The following NFATC1 variants were observed in gnomAD, a reference collection of about 807,000 sequenced individuals.
The protein encoded by NFATC1 is nuclear factor of activated T-cells, cytoplasmic 1.
A neutral mutation model predicts 76.0 loss-of-function variants in NFATC1; 22 were observed. The ratio of observed to expected loss-of-function variants is 0.29; its 90% CI spans 0.21 to 0.41. The LOEUF (loss-of-function observed/expected upper bound fraction) is 0.41, where lower values mean the gene tolerates loss of function less well. NFATC1 is among the 10% of genes least tolerant of loss of function. The probability of loss-of-function intolerance (pLI) is 1.00; values close to 1 mark genes in which losing one functional copy is unlikely to be tolerated. For missense variants in NFATC1, 1,357 were observed against 1,337.7 expected, an observed-to-expected ratio of 1.01 and a Z score of -0.23; for synonymous variants, 704 against 613.1, an observed-to-expected ratio of 1.15 and a Z score of -2.19.
At chr18:79,403,630 T>G (rs756119548) in intron 1 of NFATC1, among the ~76,000 whole-genome samples, 1 of 152,280 alleles carries the variant, frequency 6.6e-6, no homozygotes, top group Non-Finnish European at 1.5e-5. Flanking sequence ...GTGTTTGGGC[T>G]GGAGCCTCTC....
intron 2 of NFATC1, chr18:79,422,779 C>G (rs1359800176): frequency 6.6e-6 from 1 of 152,228 alleles, no homozygotes; most frequent in Non-Finnish European, 1.5e-5. Context: ...TGTTTCAGAG[C>G]CATGGAAGGT....
chr18:79,528,932 G>C lies in NFATC1; in HGVS notation c.*1355G>C, dbSNP rs773945975. 3.9e-5 allele frequency: 6 copies of C among 152,688 alleles called. No individual in the cohort carries two copies. The highest frequency in any genetic ancestry group is 1.4e-4 in the African/African-American group (6 of 41,546). The allele number at this position is 152,688 out of a possible 1,614,324, so 9.5% of individuals were successfully genotyped here. A position where few individuals can be genotyped will look rare whatever the true frequency, so the allele number is the denominator to read the frequency against. On this transcript the variant is annotated 3_prime_UTR_variant, in exon 10 of 10. Transcript: ENST00000427363. ...ATTGAAACACGGTTGACCTGAACTC[G>C]TGCCTTAGGAATTAATGCCCCCTTA...
rs527435760 is a variant in NFATC1 at position 79,455,534 on chromosome 18, C to T, written c.1903+3718C>T. 2.5e-3 allele frequency among the ~76,000 whole-genome samples: 378 copies of T among 152,288 alleles called. 2 individuals carry two copies. Among genetic ancestry groups the T allele is most frequent in the African/African-American group, 8.3e-3 (344 of 41,566 alleles). On this transcript the variant is annotated intron_variant, in intron 6 of 9. Transcript: ENST00000427363. ...CTAGGCCCAGGCCTGGACCCAGTGC[C>T]GTGCCAGCCACCACCCCAGGGGCCC...
chr18:79,397,752 T>G (rs888797715), intron 1 of NFATC1, among the ~76,000 whole-genome samples: 2 of 152,184 alleles, frequency 1.3e-5, no homozygotes, highest in Non-Finnish European at 2.9e-5. Flanking sequence ...TCTCTGTACC[T>G]GAAGAGCCGG....
chr18:79,492,602 G>C (rs376878294), intron 9 of NFATC1, among the ~76,000 whole-genome samples: 2 of 152,238 alleles, frequency 1.3e-5, no homozygotes, highest in Middle Eastern at 6.8e-3. Flanking sequence ...CCAGCCACTC[G>C]GGAGGCTGAG....
chr18:79,404,537 G>C (rs1191106475), intron 1 of NFATC1, among the ~76,000 whole-genome samples: 4 of 152,248 alleles, frequency 2.6e-5, no homozygotes, highest in Admixed American at 2.6e-4. Flanking sequence ...CTCACCCACA[G>C]CAGACTCCGT....
intron 2 of NFATC1, chr18:79,420,808 G>A (rs1391116875): frequency 6.6e-6 from 1 of 152,024 alleles, no homozygotes; most frequent in Non-Finnish European, 1.5e-5. Context: ...GCGTTTCCAG[G>A]TGACGTCGCT....
intron 9 of NFATC1, among the ~76,000 whole-genome samples, chr18:79,508,649 C>G (rs1299998437): frequency 6.6e-6 from 1 of 151,932 alleles, no homozygotes; most frequent in Non-Finnish European, 1.5e-5. Flanking sequence ...CGGTCTGTCT[C>G]TTTCTCAGTC....
intron 8 of NFATC1, among the ~76,000 whole-genome samples, chr18:79,473,415 A>G (rs1280336897): frequency 1.3e-5 from 2 of 149,896 alleles, no homozygotes; most frequent in African/African-American, 2.5e-5. Flanking sequence ...TCTCATGCTC[A>G]CTGTCAACAT....
chr18:79,527,570 A>G lies in NFATC1; in HGVS notation c.2825A>G (p.His942Arg). The G allele has an allele frequency of 6.2e-7, 1 of 1,613,962 alleles. No individual in the cohort carries two copies. Among genetic ancestry groups the G allele is most frequent in the Non-Finnish European group, 8.5e-7 (1 of 1,179,940 alleles). Reference protein sequence around the residue: ...IRNDLSSTSTHS With the variant: ...IRNDLSSTSTRS ...AATGACCTCTCCAGCACGAGCACCC[A>G]CTCCTAGTTGCCACATTGGAGCACT... The change falls in exon 10 of 10, where the codon CAC becomes CGC. Residue 942 changes from histidine to arginine, a missense_variant. This residue lies in a region of NFATC1 where 424 missense variants were observed against 395.4 expected (regional missense o/e 1.07). Coordinates refer to ENST00000427363, the MANE Select transcript of NFATC1 (RefSeq NM_001278669.2).
intron 1 of NFATC1, among the ~76,000 whole-genome samples, chr18:79,408,644 T>A (rs2085523278): frequency 6.6e-6 from 1 of 152,246 alleles, no homozygotes; most frequent in African/African-American, 2.4e-5. Context: ...AGCTGGTGAT[T>A]AGGGCACCTT....
intron 9 of NFATC1, among the ~76,000 whole-genome samples, chr18:79,505,559 G>A (rs2090101009): frequency 2.0e-5 from 2 of 100,496 alleles, no homozygotes; most frequent in South Asian, 8.3e-4. Context: ...GGAAGAGGCA[G>A]GAGACTGCTG....
At chr18:79,464,698 A>ATATATATATATATT (rs1329123171) in intron 7 of NFATC1, among the ~76,000 whole-genome samples, 1 of 94,868 alleles carries the variant, frequency 1.1e-5, no homozygotes, top group African/African-American at 5.5e-5. Context: ...ATATATATTT[A>ATATATATATATATT]TTTATTTATT....
intron 9 of NFATC1, among the ~76,000 whole-genome samples, chr18:79,513,128 C>T (rs572191197): frequency 2.6e-4 from 39 of 152,362 alleles, no homozygotes; most frequent in African/African-American, 9.1e-4. Flanking sequence ...TATTTTAATT[C>T]CTCTCTCGAT....
In NFATC1 at chr18:79,434,284, C is replaced by T. The variant is rs144187531; in HGVS notation, c.1386+546C>T. The stretch of plus-strand genomic sequence containing the variant: ...CCTGGGCCTGGCAACCCTGCAGCCG[C>T]GTCCCTGCTGGGGTGGGCCTGACTC... On this transcript the variant is annotated intron_variant, in intron 3 of 9. Coordinates refer to ENST00000427363, the MANE Select transcript of NFATC1 (RefSeq NM_001278669.2). Among the ~76,000 whole-genome samples the T allele has an allele frequency of 7.0e-4, 106 of 152,340 alleles. 1 individual carries two copies. The South Asian group carries it at 0.012, about 17-fold the overall frequency.
In NFATC1 at chr18:79,527,713, A is replaced by G; in HGVS notation, c.*136A>G. The G allele has an allele frequency of 1.3e-6, 1 of 771,176 alleles. No individual in the cohort carries two copies. Among genetic ancestry groups the G allele is most frequent in the Non-Finnish European group, 2.2e-6 (1 of 457,178 alleles). 47.8% of individuals were successfully genotyped at this position (771,176 alleles called of 1,614,324 possible). A position where few individuals can be genotyped will look rare whatever the true frequency, so the allele number is the denominator to read the frequency against. ...ACTGAATGCCAGGAGCTGAACATTA[A>G]TATGTGCAAAGATTGGCTCTCCAAC... is the stretch of plus-strand genomic sequence containing the variant. On this transcript the variant is annotated 3_prime_UTR_variant, in exon 10 of 10. Coordinates refer to ENST00000427363, the MANE Select transcript of NFATC1 (RefSeq NM_001278669.2).
intron 3 of NFATC1, among the ~76,000 whole-genome samples, chr18:79,444,797 A>G (rs1310551321): frequency 1.3e-5 from 2 of 151,166 alleles, no homozygotes; most frequent in Non-Finnish European, 2.9e-5. Flanking sequence ...CCGTGGCCAC[A>G]CACATGCCTG....
chr18:79,411,602 T>C (rs2085688544), intron 2 of NFATC1, 101 bp downstream of exon 2: 1 of 973,786 alleles, frequency 1.0e-6, no homozygotes, highest in African/African-American at 1.8e-5. Context: ...CGGCCGTGTC[T>C]GGGGACGAGA....
At chr18:79,412,086 C>T (rs983705752) in intron 2 of NFATC1, among the ~76,000 whole-genome samples, 5 of 152,234 alleles carry the variant, frequency 3.3e-5, no homozygotes, top group African/African-American at 7.2e-5. Flanking sequence ...CCAGAGACGC[C>T]GGCTGTGGCA....
Sources: allele counts gnomAD v4.1 joint callset (sites outside exome capture counted in the v4.1 genomes callset), GRCh38; gene constraint gnomAD v4.1.1; regional missense constraint gnomAD v4.1.1; transcripts MANE v1.5; gene names NCBI Gene and HGNC (gene_info 2026-07-23, HGNC 2026-07-21).